Variants in GLCCI1 observed in about 807,000 individuals in gnomAD.
GLCCI1 encodes glucocorticoid-induced transcript 1 protein.
GLCCI1 carries 24 observed loss-of-function variants against 52.2 expected under a neutral mutation model. That is an observed-to-expected ratio of 0.46 (90% CI 0.33 to 0.65). The LOEUF is 0.65. GLCCI1 is among the 30% of genes least tolerant of loss of function. The pLI is 0.02. For missense variants in GLCCI1, 704 were observed against 701.5 expected, an observed-to-expected ratio of 1.00 and a Z score of -0.04; for synonymous variants, 310 against 276.5, an observed-to-expected ratio of 1.12 and a Z score of -1.20.
intron 1 of GLCCI1, among the ~76,000 whole-genome samples, chr7:7,988,476 T>C (rs1780780185): frequency 6.6e-6 from 1 of 152,146 alleles, no homozygotes; most frequent in African/African-American, 2.4e-5. Context: ...AGAGGTCACA[T>C]TGAGGAATTA....
chr7:8,005,377 T>C (rs1287736355), intron 2 of GLCCI1, among the ~76,000 whole-genome samples: 5 of 152,212 alleles, frequency 3.3e-5, no homozygotes, highest in African/African-American at 1.2e-4. Flanking sequence ...AAAACTAATA[T>C]ATTCATCTGA....
At chr7:8,022,895 C>T (rs950016368) in intron 3 of GLCCI1, among the ~76,000 whole-genome samples, 6 of 152,186 alleles carry the variant, frequency 3.9e-5, no homozygotes, top group African/African-American at 1.2e-4. Flanking sequence ...TTATGTAATA[C>T]TCTCTATCTT....
At chr7:8,063,135 G>T (rs1247871796) in intron 5 of GLCCI1, among the ~76,000 whole-genome samples, 1 of 151,778 alleles carries the variant, frequency 6.6e-6, no homozygotes, top group Admixed American at 6.6e-5. Context: ...CTGTTTTTTT[G>T]ACTTTTTTGT....
intron 1 of GLCCI1, among the ~76,000 whole-genome samples, chr7:8,002,203 T>G (rs1338473823): frequency 1.3e-5 from 2 of 152,168 alleles, no homozygotes; most frequent in Non-Finnish European, 2.9e-5. Flanking sequence ...AACTCAATAG[T>G]AGTTTAAAGC....
Position 8,022,548 on chromosome 7 carries a change from G to C in GLCCI1, c.675G>C (p.Gly225=). The part of the protein sequence containing the change: ...KRSHQRSASW[G]SADQLKEQIA... The stretch of plus-strand genomic sequence containing the variant: ...CACATCAGCGTTCTGCGTCATGGGG[G>C]AGTGCTGATCAACTAAAAGAGGTAA... The change falls in exon 3 of 8, where the codon GGG becomes GGC. Residue 225 remains glycine, a synonymous_variant. Coordinates refer to ENST00000223145, the MANE Select transcript of GLCCI1 (RefSeq NM_138426.4). 1 of 1,577,396 alleles carries C rather than the reference G, an allele frequency of 6.3e-7. No homozygotes were observed. The highest frequency in any genetic ancestry group is 8.6e-7 in the Non-Finnish European group (1 of 1,160,120).
At position 8,060,028 on chromosome 7, in the gene GLCCI1, C is replaced by T. The variant is rs754570519; in HGVS notation, c.814-68C>T. ...CATTGAGTTTCAATTTTAATATTTA[C>T]CATACTCTTTAGTTCTTGATTGCTT... is the stretch of plus-strand genomic sequence containing the variant. On this transcript the variant is annotated intron_variant, in intron 4 of 7. Transcript: ENST00000223145. 8 of 1,271,984 alleles carry T rather than the reference C, an allele frequency of 6.3e-6. 1 individual carries two copies. Among genetic ancestry groups the T allele is most frequent in the Middle Eastern group, 1.9e-4 (1 of 5,160 alleles). 78.8% of individuals were successfully genotyped at this position (1,271,984 alleles called of 1,614,324 possible). A position where few individuals can be genotyped will look rare whatever the true frequency, so the allele number is the denominator to read the frequency against.
At position 8,087,980 on chromosome 7, in the gene GLCCI1, C is replaced by G. The variant is rs1448940751; in HGVS notation, c.*1442C>G. ...TGTTTTCTTCAGTACAAAGAGTATC[C>G]AAAAGCTAAGTTTTTGTATTCCACT... On this transcript the variant is annotated 3_prime_UTR_variant, in exon 8 of 8. Transcript: ENST00000223145. 3 of 152,248 alleles carry G rather than the reference C, an allele frequency of 2.0e-5. No homozygotes were observed. The highest frequency in any genetic ancestry group is 4.4e-5 in the Non-Finnish European group (3 of 68,004). The allele number at this position is 152,248 out of a possible 1,614,324, so 9.4% of individuals were successfully genotyped here. A position where few individuals can be genotyped will look rare whatever the true frequency, so the allele number is the denominator to read the frequency against.
intron 3 of GLCCI1, among the ~76,000 whole-genome samples, chr7:8,023,682 T>C (rs1012743864): frequency 1.4e-5 from 2 of 144,564 alleles, no homozygotes; most frequent in African/African-American, 2.6e-5. Context: ...CACTGCAGCT[T>C]CCACCTCCCA....
chr7:8,050,630 T>C (rs1421741683), intron 3 of GLCCI1, among the ~76,000 whole-genome samples: 1 of 152,220 alleles, frequency 6.6e-6, no homozygotes, highest in African/African-American at 2.4e-5. Flanking sequence ...GTGATTGTTT[T>C]AGGGAAGGAG....
intron 2 of GLCCI1, among the ~76,000 whole-genome samples, chr7:8,020,309 G>C (rs1005352598): frequency 2.6e-5 from 4 of 151,966 alleles, no homozygotes; most frequent in African/African-American, 9.7e-5. Flanking sequence ...ACCACTGTTA[G>C]GTATACCATC....
At chr7:8,016,823 A>G (rs931722512) in intron 2 of GLCCI1, among the ~76,000 whole-genome samples, 1 of 152,242 alleles carries the variant, frequency 6.6e-6, no homozygotes. Context: ...TAGAATCAAT[A>G]GTATTTTACT....
At chr7:8,081,272 A>C (rs185878157) in intron 6 of GLCCI1, among the ~76,000 whole-genome samples, 36 of 152,318 alleles carry the variant, frequency 2.4e-4, no homozygotes, top group African/African-American at 8.2e-4. Context: ...AGGTCTAGAC[A>C]TTGATCTTTT....
chr7:8,024,263 A>G (rs1342807543), intron 3 of GLCCI1, among the ~76,000 whole-genome samples: 1 of 152,166 alleles, frequency 6.6e-6, no homozygotes, highest in Middle Eastern at 3.2e-3. Flanking sequence ...ATTGTATTAC[A>G]TTTTAGCAGC....
At chr7:7,985,156 TA>T (rs1780696426) in intron 1 of GLCCI1, among the ~76,000 whole-genome samples, 1 of 152,168 alleles carries the variant, frequency 6.6e-6, no homozygotes. Context: ...TGTATATTTG[TA>T]TATTTCTACA....
intron 3 of GLCCI1, among the ~76,000 whole-genome samples, chr7:8,048,460 T>G (rs1174535160): frequency 6.6e-6 from 1 of 152,114 alleles, no homozygotes; most frequent in Admixed American, 6.6e-5. Context: ...GAGTTTAGAT[T>G]TATTCTAATG....
chr7:7,981,264 TTTTCTTTCTTTC>T, intron 1 of GLCCI1: 1 of 247,072 alleles, frequency 4.0e-6, no homozygotes, highest in Non-Finnish European at 7.7e-6. Flanking sequence ...CTTTCTCTTT[TTTTCTTTCTTTC>T]TTTCTTTCTC....
intron 1 of GLCCI1, among the ~76,000 whole-genome samples, chr7:7,990,745 A>G (rs945134532): frequency 2.0e-5 from 3 of 152,092 alleles, no homozygotes; most frequent in East Asian, 3.8e-4. Flanking sequence ...TGGATAAGCT[A>G]CTGCTTTACA....
intron 6 of GLCCI1, among the ~76,000 whole-genome samples, chr7:8,072,833 T>C (rs570240672): frequency 6.6e-6 from 1 of 152,162 alleles, no homozygotes; most frequent in Non-Finnish European, 1.5e-5. Flanking sequence ...TCTGTTTTCT[T>C]TAATACTGTG....
rs898923963 is a variant in GLCCI1 at position 7,992,666 on chromosome 7, T to C, written c.458-11242T>C. On this transcript the variant is annotated intron_variant, in intron 1 of 7. Coordinates refer to ENST00000223145, the MANE Select transcript of GLCCI1 (RefSeq NM_138426.4). ...ATAGTTTTTAGTATTTTTTGTTTTGTTCCTTTGGTCATTTCTTGAGGGACT... is the reference window on the plus strand; with the variant it reads ...ATAGTTTTTAGTATTTTTTGTTTTGCTCCTTTGGTCATTTCTTGAGGGACT... Among the ~76,000 whole-genome samples the C allele has an allele frequency of 2.0e-5, 3 of 152,094 alleles. No individual in the cohort carries two copies. The East Asian group carries it at 5.8e-4, about 29-fold the overall frequency.
Sources: gnomAD v4.1 joint callset for allele counts (sites outside exome capture counted in the v4.1 genomes callset) on GRCh38, gnomAD v4.1.1 for gene constraint, MANE v1.5 for transcripts, NCBI Gene and HGNC (gene_info 2026-07-23, HGNC 2026-07-21) for gene names.